The following ACSL1 variants were observed in gnomAD, a reference collection of about 807,000 sequenced individuals.
ACSL1 encodes long-chain-fatty-acid--CoA ligase 1.
Under a neutral mutation model 98.4 loss-of-function variants are expected in ACSL1, and 41 were observed. The observed-to-expected ratio is 0.42, with a 90% CI of 0.32 to 0.54. ACSL1 has a LOEUF of 0.54. Among genes scored for constraint, ACSL1 ranks in the 20% least tolerant of loss-of-function variants. ACSL1 has a pLI of 0.13. For missense variants in ACSL1, 734 were observed against 883.1 expected, an observed-to-expected ratio of 0.83 and a Z score of 2.14; for synonymous variants, 316 against 322.7, an observed-to-expected ratio of 0.98 and a Z score of 0.22.
chr4:184,785,833 G>C (rs1767196590), intron 3 of ACSL1, among the ~76,000 whole-genome samples: 1 of 152,158 alleles, frequency 6.6e-6, no homozygotes, highest in Non-Finnish European at 1.5e-5. Flanking sequence ...CTCGATGAAT[G>C]TATATACATT....
intron 2 of ACSL1, among the ~76,000 whole-genome samples, chr4:184,796,583 T>C (rs1769410139): frequency 6.6e-6 from 1 of 152,208 alleles, no homozygotes; most frequent in Non-Finnish European, 1.5e-5. Context: ...TAACAGGCCA[T>C]GGGGAACACT....
At chr4:184,762,657 G>T (rs556454335) in intron 16 of ACSL1, 134 bp from the exon 17 acceptor site, 4 of 757,274 alleles carry the variant, frequency 5.3e-6, no homozygotes, top group East Asian at 2.6e-5. Flanking sequence ...TGCAGAGGGA[G>T]TTACCAGAGC....
At chr4:184,779,225 T>C (rs373387436) in intron 5 of ACSL1, among the ~76,000 whole-genome samples, 12 of 152,286 alleles carry the variant, frequency 7.9e-5, no homozygotes, top group African/African-American at 2.9e-4. Context: ...GGGGAGGTAA[T>C]TGAATCATGG....
At position 184,756,711 on chromosome 4, in the gene ACSL1, G is replaced by A. The variant is rs577129378; in HGVS notation, c.*414C>T. 8.8e-5 allele frequency: 14 copies of A among 159,258 alleles called. No individual in the cohort carries two copies. Among genetic ancestry groups the A allele is most frequent in the Middle Eastern group, 3.2e-3 (1 of 308 alleles). The allele number at this position is 159,258 out of a possible 1,614,324, so 9.9% of individuals were successfully genotyped here. A position where few individuals can be genotyped will look rare whatever the true frequency, so the allele number is the denominator to read the frequency against. On this transcript the variant is annotated 3_prime_UTR_variant, in exon 21 of 21. Transcript: ENST00000281455. ...AGGGAACACTTCCCTCTAGTGCACT[G>A]TACTCTTTAGAGCAGCAGACAGCTG...
intron 1 of ACSL1, among the ~76,000 whole-genome samples, chr4:184,816,781 C>T (rs181393608): frequency 9.9e-5 from 15 of 152,186 alleles, no homozygotes; most frequent in South Asian, 2.1e-4. Context: ...GAGGCCTCCA[C>T]GGCTCTATGG....
chr4:184,807,425 CT>C (rs1208263375), intron 1 of ACSL1, among the ~76,000 whole-genome samples: 4 of 152,230 alleles, frequency 2.6e-5, no homozygotes, highest in Non-Finnish European at 4.4e-5. Context: ...ACAGCCACTC[CT>C]GTGCACCCTC....
At chr4:184,801,882 C>G (rs1228669967) in intron 2 of ACSL1, among the ~76,000 whole-genome samples, 1 of 152,268 alleles carries the variant, frequency 6.6e-6, no homozygotes, top group African/African-American at 2.4e-5. Flanking sequence ...AGTGCCCCCA[C>G]AATTTCTCAT....
At chr4:184,763,632 C>T (rs1462496864) in intron 15 of ACSL1, among the ~76,000 whole-genome samples, 1 of 152,238 alleles carries the variant, frequency 6.6e-6, no homozygotes, top group African/African-American at 2.4e-5. Flanking sequence ...GCATCCTGTT[C>T]TCTGTAAGAA....
At position 184,766,585 on chromosome 4, in the gene ACSL1, G is replaced by A. The variant is rs775722898; in HGVS notation, c.1263+37C>T. The A allele has an allele frequency of 1.3e-6, 2 of 1,594,696 alleles. No homozygotes were observed. Among genetic ancestry groups the A allele is most frequent in the African/African-American group, 1.3e-5 (1 of 74,374 alleles). The stretch of plus-strand genomic sequence containing the variant: ...CCCAGAACTCTGAAAAGCGAAGTCG[G>A]TTTCCATGGGAGCAGTGGCTGTGAG... On this transcript the variant is annotated intron_variant, in intron 13 of 20. Transcript: ENST00000281455. The surrounding 1 kb of genome is among the most constrained non-coding windows in gnomAD (Gnocchi z 4.8).
chr4:184,819,045 C>T (rs987149142), intron 1 of ACSL1, among the ~76,000 whole-genome samples: 2 of 151,892 alleles, frequency 1.3e-5, no homozygotes, highest in African/African-American at 4.8e-5. Context: ...AGGGGAGAGT[C>T]ACTCCAGGAA....
rs765493115 is a variant in ACSL1, at chr4:184,780,358, C to T, written c.451G>A (p.Gly151Ser). 3 of 1,613,824 alleles carry T rather than the reference C, an allele frequency of 1.9e-6. No individual in the cohort carries two copies. In the South Asian group the frequency reaches 3.3e-5, roughly 18 times the overall value. Reference protein sequence around the residue: ...GFKTAPDQFIGIFAQNRPEWV... With the variant: ...GFKTAPDQFISIFAQNRPEWV... The stretch of plus-strand genomic sequence containing the variant: ...TCAGGTCTATTTTGAGCAAAGATGC[C>T]AATGAACTGATCTGGGGCAGTCTTG... The change falls in exon 5 of 21, where the codon GGC becomes AGC. Residue 151 changes from glycine (G) to serine (S), a missense_variant. Transcript: ENST00000281455.
chr4:184,784,426 T>C (rs1766869366), intron 3 of ACSL1, among the ~76,000 whole-genome samples: 1 of 152,122 alleles, frequency 6.6e-6, no homozygotes, highest in Non-Finnish European at 1.5e-5. Flanking sequence ...GAAAGGAAAA[T>C]ATAATTCTTT....
rs936700409 is a variant in ACSL1 at position 184,756,886 on chromosome 4, T to A, written c.*239A>T. On this transcript the variant is annotated 3_prime_UTR_variant, in exon 21 of 21. Coordinates refer to ENST00000281455, the MANE Select transcript of ACSL1 (RefSeq NM_001995.5). ...CACATTTATAGTATCCCCTTTACAA[T>A]TTTTAAGGCTCATTTTGGAAAGTGT... The A allele has an allele frequency of 5.0e-6, 2 of 397,644 alleles. No homozygotes were observed. The highest frequency in any genetic ancestry group is 8.9e-6 in the Non-Finnish European group (2 of 224,972). The allele number at this position is 397,644 out of a possible 1,614,324, so 24.6% of individuals were successfully genotyped here. A position where few individuals can be genotyped will look rare whatever the true frequency, so the allele number is the denominator to read the frequency against.
chr4:184,813,316 GAT>G lies in ACSL1; in HGVS notation c.-32-9772_-32-9771del, dbSNP rs747740155. ...TGAATAAGGCTAAGCAACTGTTGTA[GAT>G]ATGTCACAATGAGGCAGATAAGTTT... On this transcript the variant is annotated intron_variant, in intron 1 of 20. Transcript: ENST00000281455. Among the ~76,000 whole-genome samples the G allele has an allele frequency of 4.0e-4, 61 of 152,292 alleles. 1 individual carries two copies. The highest frequency in any genetic ancestry group is 7.8e-4 in the Non-Finnish European group (53 of 68,024).
intron 1 of ACSL1, among the ~76,000 whole-genome samples, chr4:184,806,854 G>A (rs1771492616): frequency 6.6e-6 from 1 of 152,184 alleles, no homozygotes; most frequent in East Asian, 1.9e-4. Context: ...TGGCAGCCAG[G>A]TAACAAGCTG....
At chr4:184,770,724 A>G (rs923823260) in intron 10 of ACSL1, among the ~76,000 whole-genome samples, 1 of 152,238 alleles carries the variant, frequency 6.6e-6, no homozygotes, top group Non-Finnish European at 1.5e-5. Context: ...AAATTAAAAA[A>G]AAAAGACTCC....
chr4:184,802,459 C>T (rs1281963720), intron 2 of ACSL1, among the ~76,000 whole-genome samples: 2 of 151,942 alleles, frequency 1.3e-5, no homozygotes, highest in African/African-American at 2.4e-5. Context: ...CTGCTGAATG[C>T]GGGAAACACT....
intron 4 of ACSL1, among the ~76,000 whole-genome samples, chr4:184,781,431 A>G (rs1355199793): frequency 6.6e-6 from 1 of 152,106 alleles, no homozygotes; most frequent in African/African-American, 2.4e-5. Context: ...TACAATGATA[A>G]GCAACACATG....
At chr4:184,814,290 CAAAAAAAAAA>C (rs61541962) in intron 1 of ACSL1, among the ~76,000 whole-genome samples, 15 of 64,532 alleles carry the variant, frequency 2.3e-4, no homozygotes, top group South Asian at 2.0e-3. Flanking sequence ...GACTCCGCCT[CAAAAAAAAAA>C]AAAAAAAAAA....
Sources: gnomAD v4.1 joint callset for allele counts (sites outside exome capture counted in the v4.1 genomes callset) on GRCh38, gnomAD v4.1.1 for gene constraint, Gnocchi (gnomAD v3.1) non-coding constraint, MANE v1.5 for transcripts, NCBI Gene and HGNC (gene_info 2026-07-23, HGNC 2026-07-21) for gene names.